ADAMTSL1: variants seen among roughly 807,000 people sequenced by gnomAD.
The protein encoded by ADAMTSL1 is ADAMTS like 1.
ADAMTSL1 carries 126 observed loss-of-function variants against 201.8 expected under a neutral mutation model. That is an observed-to-expected ratio of 0.62 (90% CI 0.54 to 0.72). ADAMTSL1 has a LOEUF of 0.72. Among genes scored for constraint, ADAMTSL1 ranks in the 30% least tolerant of loss-of-function variants. The pLI, the probability that ADAMTSL1 is intolerant of heterozygous loss-of-function variation, is 0.00. For synonymous variants in ADAMTSL1, 1,121 were observed against 903.4 expected, an observed-to-expected ratio of 1.24 and a Z score of -4.32; for missense variants, 2,679 against 2,277.8, an observed-to-expected ratio of 1.18 and a Z score of -3.59.
rs1047529739 is a variant in ADAMTSL1 at position 18,208,883 on chromosome 9, A to G, written c.207+44902A>G. Among the ~76,000 whole-genome samples the G allele has an allele frequency of 3.3e-5, 5 of 152,240 alleles. No homozygotes were observed. The South Asian group carries it at 8.3e-4, about 25-fold the overall frequency. On this transcript the variant is annotated intron_variant, in intron 2 of 29. Coordinates refer to the ADAMTSL1 transcript ENST00000680146. ...CTTTCTGGTTCTGTGGCCACAAACCAGACTTCTAAACTTGATTACCTCATC... is the reference window on the plus strand; with the variant it reads ...CTTTCTGGTTCTGTGGCCACAAACCGGACTTCTAAACTTGATTACCTCATC...
intron 15 of ADAMTSL1, among the ~76,000 whole-genome samples, chr9:18,743,629 C>T (rs562420794): frequency 6.6e-6 from 1 of 152,300 alleles, no homozygotes; most frequent in African/African-American, 2.4e-5. Context: ...TCACAGCGTG[C>T]AGGCAGACTT....
At chr9:18,054,701 T>G (rs1236876748) in intron 1 of ADAMTSL1, among the ~76,000 whole-genome samples, 1 of 152,240 alleles carries the variant, frequency 6.6e-6, no homozygotes, top group African/African-American at 2.4e-5. Flanking sequence ...AGCTAATAAA[T>G]GAAAGAGTTG....
chr9:18,046,418 G>A (rs991759256), intron 1 of ADAMTSL1, among the ~76,000 whole-genome samples: 1 of 152,122 alleles, frequency 6.6e-6, no homozygotes, highest in Non-Finnish European at 1.5e-5. Context: ...AAAGTAAAGA[G>A]GCATATAAGC....
In ADAMTSL1 at chr9:18,400,450, G is replaced by A. The variant is rs558074488; in HGVS notation, c.208-104379G>A. On this transcript the variant is annotated intron_variant, in intron 2 of 29. Coordinates refer to the ADAMTSL1 transcript ENST00000680146. ...TGGGGATCATTATCAAACTTGGAAG[G>A]CCTTTACTATGTTTCGTTCATAATA... 3.3e-5 allele frequency among the ~76,000 whole-genome samples: 5 copies of A among 152,094 alleles called. No homozygotes were observed. The East Asian group carries it at 7.7e-4, about 23-fold the overall frequency.
intron 2 of ADAMTSL1, among the ~76,000 whole-genome samples, chr9:18,287,776 T>C (rs1283458969): frequency 1.4e-5 from 2 of 147,154 alleles, no homozygotes; most frequent in Non-Finnish European, 3.0e-5. Context: ...TGCATATATA[T>C]AGTCTTCCAG....
chr9:17,981,759 G>C (rs1056614061), intron 1 of ADAMTSL1, among the ~76,000 whole-genome samples: 1 of 152,180 alleles, frequency 6.6e-6, no homozygotes, highest in African/African-American at 2.4e-5. Flanking sequence ...TACAGGTTCT[G>C]TTTGTACTTT....
chr9:18,062,441 TA>T (rs1186166470), intron 1 of ADAMTSL1, among the ~76,000 whole-genome samples: 2 of 152,138 alleles, frequency 1.3e-5, no homozygotes, highest in South Asian at 2.1e-4. Context: ...TTAAGTAGAA[TA>T]AAAATGCATA....
chr9:18,856,210 G>T (rs1293050896), intron 23 of ADAMTSL1, among the ~76,000 whole-genome samples: 1 of 152,078 alleles, frequency 6.6e-6, no homozygotes, highest in Admixed American at 6.6e-5. Context: ...ATTATAAAAA[G>T]TTAAATTGGA....
At chr9:18,184,897 G>T (rs999038746) in intron 2 of ADAMTSL1, among the ~76,000 whole-genome samples, 10 of 152,076 alleles carry the variant, frequency 6.6e-5, no homozygotes, top group Non-Finnish European at 1.2e-4. Context: ...ACTAACTCAC[G>T]AAAGGCCCTT....
At chr9:18,426,371 C>T (rs1819222523) in intron 2 of ADAMTSL1, among the ~76,000 whole-genome samples, 1 of 152,160 alleles carries the variant, frequency 6.6e-6, no homozygotes, top group South Asian at 2.1e-4. Flanking sequence ...TTTTCAAGTT[C>T]CCTTAAAGTT....
intron 1 of ADAMTSL1, among the ~76,000 whole-genome samples, chr9:17,946,514 C>A (rs1198310953): frequency 6.6e-6 from 1 of 151,990 alleles, no homozygotes; most frequent in Non-Finnish European, 1.5e-5. Context: ...TCTTTATGAT[C>A]TTTTTTATGT....
chr9:18,547,283 T>C (rs1820523490), intron 3 of ADAMTSL1, among the ~76,000 whole-genome samples: 1 of 152,070 alleles, frequency 6.6e-6, no homozygotes, highest in South Asian at 2.1e-4. Flanking sequence ...AGGACATCTA[T>C]GCAATCTATT....
chr9:18,318,513 T>C (rs1006380019), intron 2 of ADAMTSL1, among the ~76,000 whole-genome samples: 11 of 152,208 alleles, frequency 7.2e-5, no homozygotes, highest in Non-Finnish European at 1.6e-4. Context: ...TTACAAGATA[T>C]TGGCTTAGAA....
At chr9:18,030,659 C>G (rs1481312824) in intron 1 of ADAMTSL1, among the ~76,000 whole-genome samples, 1 of 152,036 alleles carries the variant, frequency 6.6e-6, no homozygotes, top group East Asian at 1.9e-4. Context: ...CACAGGACTT[C>G]TCTTAATTTC....
chr9:18,332,539 C>T (rs1233770664), intron 2 of ADAMTSL1, among the ~76,000 whole-genome samples: 1 of 152,116 alleles, frequency 6.6e-6, no homozygotes, highest in African/African-American at 2.4e-5. Context: ...CAGCCTTGAC[C>T]TCTCAGGCTC....
chr9:18,797,788 A>G lies in ADAMTSL1; in HGVS notation c.3805+2264A>G, dbSNP rs542840352. ...AGGTTAAGTAAGATTGCACGTGTGAAAAAGCACTTAACCCAATGCCAGGCA... is the reference window on the plus strand; with the variant it reads ...AGGTTAAGTAAGATTGCACGTGTGAGAAAGCACTTAACCCAATGCCAGGCA... On this transcript the variant is annotated intron_variant, in intron 20 of 28. Coordinates refer to ENST00000380548, the MANE Select transcript of ADAMTSL1 (RefSeq NM_001040272.6). Among the ~76,000 whole-genome samples, 82 of 152,314 alleles carry G rather than the reference A, an allele frequency of 5.4e-4. 3 individuals carry two copies. Among genetic ancestry groups the G allele is most frequent in the African/African-American group, 1.8e-3 (73 of 41,578 alleles).
chr9:18,223,679 A>C (rs1039814774), intron 2 of ADAMTSL1, among the ~76,000 whole-genome samples: 19 of 152,264 alleles, frequency 1.2e-4, no homozygotes, highest in Non-Finnish European at 2.4e-4. Flanking sequence ...TCCTTGAACT[A>C]TATTAAATAT....
intron 1 of ADAMTSL1, among the ~76,000 whole-genome samples, chr9:18,131,187 T>A (rs376896573): frequency 1.3e-5 from 2 of 152,224 alleles, no homozygotes; most frequent in African/African-American, 4.8e-5. Context: ...TCTTTGGGTC[T>A]TACTTATTTT....
chr9:18,232,286 A>G (rs1023985235), intron 2 of ADAMTSL1, among the ~76,000 whole-genome samples: 2 of 152,060 alleles, frequency 1.3e-5, no homozygotes, highest in African/African-American at 4.8e-5. Flanking sequence ...ATATCTACAA[A>G]GTTGTCCCCC....
Sources: allele counts gnomAD v4.1 joint callset (sites outside exome capture counted in the v4.1 genomes callset), GRCh38; gene constraint gnomAD v4.1.1; transcripts MANE v1.5; gene names NCBI Gene and HGNC (gene_info 2026-07-23, HGNC 2026-07-21).